The following FGF12 variants were observed in gnomAD, a reference collection of about 807,000 sequenced individuals.
FGF12 encodes the protein fibroblast growth factor 12B.
A neutral mutation model predicts 23.6 loss-of-function variants in FGF12; 14 were observed. That is an observed-to-expected ratio of 0.59 (90% CI 0.39 to 0.93). The LOEUF (loss-of-function observed/expected upper bound fraction) is 0.93, where lower values mean the gene tolerates loss of function less well. Among genes scored for constraint, FGF12 ranks in the 40% least tolerant of loss-of-function variants. The pLI is 0.00. For synonymous variants in FGF12, 62 were observed against 77.3 expected (o/e 0.80, Z 1.04); for missense variants, 175 against 217.8 (o/e 0.80, Z 1.24).
intron 2 of FGF12, among the ~76,000 whole-genome samples, chr3:192,691,675 AG>A (rs1199805301): frequency 6.6e-6 from 1 of 151,962 alleles, no homozygotes; most frequent in African/African-American, 2.4e-5. Flanking sequence ...GAAGAAAAAA[AG>A]TAATAAAGCT....
In FGF12 at chr3:192,360,430, T is replaced by C. The variant is rs1229502475; in HGVS notation, c.122A>G (p.Tyr41Cys). The change falls in exon 3 of 6, where the codon TAC becomes TGC. Residue 41 changes from tyrosine to cysteine, a missense_variant and splice_region_variant. By Grantham distance (194) the Tyr-to-Cys change is radical. Transcript: ENST00000445105. This position sits in a 1 kb window ranked among gnomAD's most constrained non-coding sequence, Gnocchi z 4.3. ...IDGTKDENSD[Y>C]TLFNLIPVGL... is the part of the protein sequence containing the mutation. The stretch of plus-strand genomic sequence containing the variant: ...TGTAAGAAGCTAATGTTTCTTACTG[T>C]AGTCGCTGTTTTCGTCCTTGGTCCC... The C allele has an allele frequency of 6.3e-7, 1 of 1,595,672 alleles. No individual in the cohort carries two copies. Among genetic ancestry groups the C allele is most frequent in the South Asian group, 1.1e-5 (1 of 90,722 alleles).
chr3:192,664,316 G>A (rs1335444477), intron 2 of FGF12, among the ~76,000 whole-genome samples: 2 of 152,100 alleles, frequency 1.3e-5, no homozygotes, highest in African/African-American at 4.8e-5. Context: ...TGTTTTAAAT[G>A]AGCCACAGAC....
At chr3:192,346,986 G>A (rs929393707) in intron 3 of FGF12, among the ~76,000 whole-genome samples, 1 of 151,856 alleles carries the variant, frequency 6.6e-6, no homozygotes, top group Non-Finnish European at 1.5e-5. Flanking sequence ...AAAAATTGAA[G>A]AAAAAAACCA....
At chr3:192,211,205 A>C (rs889344382) in intron 4 of FGF12, among the ~76,000 whole-genome samples, 2 of 152,216 alleles carry the variant, frequency 1.3e-5, no homozygotes, top group Admixed American at 6.5e-5. Flanking sequence ...TTGAAAAAAC[A>C]GAGCCATGAC....
At chr3:192,211,461 T>C (rs1717923466) in intron 4 of FGF12, among the ~76,000 whole-genome samples, 1 of 151,954 alleles carries the variant, frequency 6.6e-6, no homozygotes, top group African/African-American at 2.4e-5. Flanking sequence ...CCCTCGCTCT[T>C]GTGGCCGAGG....
intron 2 of FGF12, among the ~76,000 whole-genome samples, chr3:192,694,132 A>T (rs1364366470): frequency 6.6e-6 from 1 of 152,186 alleles, no homozygotes; most frequent in Non-Finnish European, 1.5e-5. Context: ...AAAAATATAA[A>T]ACAGGTATGT....
intron 3 of FGF12, among the ~76,000 whole-genome samples, chr3:192,339,513 G>A (rs1272931351): frequency 6.6e-6 from 1 of 152,110 alleles, no homozygotes; most frequent in Non-Finnish European, 1.5e-5. Flanking sequence ...TCCATCTGCT[G>A]TAACCGGCTT....
At chr3:192,679,479 T>A (rs1717442682) in intron 2 of FGF12, among the ~76,000 whole-genome samples, 1 of 152,010 alleles carries the variant, frequency 6.6e-6, no homozygotes, top group African/African-American at 2.4e-5. Context: ...ATGCCTGTAA[T>A]CCCAGCTACT....
chr3:192,414,290 CAT>C (rs1473842403), intron 2 of FGF12, among the ~76,000 whole-genome samples: 1 of 152,146 alleles, frequency 6.6e-6, no homozygotes, highest in Non-Finnish European at 1.5e-5. Context: ...TAAGTTCTGT[CAT>C]ATCGCCATTT....
chr3:192,551,150 A>G (rs1483035526), intron 2 of FGF12, among the ~76,000 whole-genome samples: 1 of 152,228 alleles, frequency 6.6e-6, no homozygotes, highest in Non-Finnish European at 1.5e-5. Flanking sequence ...CAGGACTGTC[A>G]TATTTTAGAG....
chr3:192,341,455 G>A (rs1522262), intron 3 of FGF12, among the ~76,000 whole-genome samples: 31,276 of 152,066 alleles, frequency 0.21, 4,889 homozygotes, highest in East Asian at 0.59. Context: ...TAATTAAAAT[G>A]TTGTATTATT....
intron 2 of FGF12, among the ~76,000 whole-genome samples, chr3:192,378,120 TG>T (rs1169795490): frequency 7.0e-5 from 3 of 42,582 alleles, no homozygotes; most frequent in Non-Finnish European, 1.0e-4. Flanking sequence ...TTTCTCTCTT[TG>T]TTTTTTTTTC....
chr3:192,353,914 A>G (rs1365567854), intron 3 of FGF12, among the ~76,000 whole-genome samples: 1 of 152,226 alleles, frequency 6.6e-6, no homozygotes, highest in African/African-American at 2.4e-5. Flanking sequence ...AATTTTTTGT[A>G]GTACCTGCAT....
chr3:192,273,231 A>C (rs1258781884), intron 4 of FGF12, among the ~76,000 whole-genome samples: 2 of 152,182 alleles, frequency 1.3e-5, no homozygotes, highest in African/African-American at 4.8e-5. Flanking sequence ...CATCTGCACT[A>C]AGCACTCTGT....
intron 4 of FGF12, among the ~76,000 whole-genome samples, chr3:192,185,987 A>G (rs1716443879): frequency 6.6e-6 from 1 of 152,210 alleles, no homozygotes; most frequent in East Asian, 1.9e-4. Flanking sequence ...TATAAACTGA[A>G]GCATACAATC....
chr3:192,654,932 T>A (rs993784786), intron 2 of FGF12, among the ~76,000 whole-genome samples: 5 of 152,164 alleles, frequency 3.3e-5, no homozygotes, highest in Non-Finnish European at 5.9e-5. Flanking sequence ...ATGGACCACA[T>A]TTTTTACTTT....
chr3:192,590,528 A>G lies in FGF12; in HGVS notation c.13+136653T>C, dbSNP rs995187917. On this transcript the variant is annotated intron_variant, in intron 2 of 5. Transcript: ENST00000445105. ...TTTTTCAGCAGAACAAATAAATGAA[A>G]TTATGTAGGTAAGTATTTATTCTGA... 4.6e-5 allele frequency among the ~76,000 whole-genome samples: 7 copies of G among 151,974 alleles called. 1 individual carries two copies. The highest frequency in any genetic ancestry group is 7.2e-5 in the African/African-American group (3 of 41,424).
At chr3:192,424,393 G>A (rs1290180297) in intron 2 of FGF12, among the ~76,000 whole-genome samples, 4 of 152,154 alleles carry the variant, frequency 2.6e-5, no homozygotes, top group African/African-American at 4.8e-5. Context: ...AAAATACATA[G>A]GAGCTGAAAG....
chr3:192,235,405 T>C lies in FGF12; in HGVS notation c.229-64749A>G, dbSNP rs147691620. Among the ~76,000 whole-genome samples the C allele has an allele frequency of 4.5e-3, 685 of 152,298 alleles. 6 individuals are homozygous for C. The highest frequency in any genetic ancestry group is 0.016 in the African/African-American group (661 of 41,570). Reference sequence around the variant, plus strand: ...TCACTGCAACCTCCACCTCCCAGGTTCAAATGATTCTCCTGCCTTAGCCTC... The same window carrying C: ...TCACTGCAACCTCCACCTCCCAGGTCCAAATGATTCTCCTGCCTTAGCCTC... On this transcript the variant is annotated intron_variant, in intron 4 of 5. Transcript: ENST00000445105.
Sources: allele counts gnomAD v4.1 joint callset (sites outside exome capture counted in the v4.1 genomes callset), GRCh38; gene constraint gnomAD v4.1.1; non-coding constraint Gnocchi (gnomAD v3.1); transcripts MANE v1.5; gene names NCBI Gene and HGNC (gene_info 2026-07-23, HGNC 2026-07-21).